Variants in NAALAD2 observed in about 807,000 individuals in gnomAD.
NAALAD2 encodes the protein N-acetylated alpha-linked acidic dipeptidase 2.
A neutral mutation model predicts 95.6 loss-of-function variants in NAALAD2; 89 were observed. The ratio of observed to expected loss-of-function variants is 0.93; its 90% CI spans 0.78 to 1.11. The LOEUF (loss-of-function observed/expected upper bound fraction) is 1.11, where lower values mean the gene tolerates loss of function less well. Ranked by LOEUF, NAALAD2 falls within the 50% of genes least tolerant of loss-of-function variation. The pLI, the probability that NAALAD2 is intolerant of heterozygous loss-of-function variation, is 0.00. For missense variants in NAALAD2, 894 were observed against 872.4 expected, an observed-to-expected ratio of 1.02 and a Z score of -0.31; for synonymous variants, 264 against 294.4, an observed-to-expected ratio of 0.90 and a Z score of 1.06.
rs1952594258 is a variant in NAALAD2 at position 90,170,199 on chromosome 11, C to G, written c.1410+63C>G. ...AATGGATAAATGAATAACGTGTGTT[C>G]CCCCCTAAATTAATGGTACTTATTT... On this transcript the variant is annotated intron_variant, in intron 13 of 18. Transcript: ENST00000534061. The G allele has an allele frequency of 6.0e-6, 6 of 995,506 alleles. No individual in the cohort carries two copies. In the South Asian group the frequency reaches 8.0e-5, roughly 13 times the overall value. 61.7% of individuals were successfully genotyped at this position (995,506 alleles called of 1,614,324 possible).
At chr11:90,133,115 C>T (rs1211338237), upstream of NAALAD2, among the ~76,000 whole-genome samples, 2 of 152,192 alleles carry the variant, frequency 1.3e-5, no homozygotes, top group East Asian at 1.9e-4. Context: ...TTTCACTCTT[C>T]CAGTCACTTG....
upstream of NAALAD2, among the ~76,000 whole-genome samples, chr11:90,133,078 A>T (rs1951377211): frequency 6.6e-6 from 1 of 152,238 alleles, no homozygotes; most frequent in Non-Finnish European, 1.5e-5. Flanking sequence ...ACAAGGACAA[A>T]AAAAAGTTAT....
intron 13 of NAALAD2, among the ~76,000 whole-genome samples, chr11:90,172,881 C>T (rs764747452): frequency 6.6e-6 from 1 of 152,166 alleles, no homozygotes; most frequent in Non-Finnish European, 1.5e-5. Flanking sequence ...CCATTATCCC[C>T]AGTTTTACAG....
chr11:90,137,027 TA>T (rs1951467869), intron 2 of NAALAD2, among the ~76,000 whole-genome samples: 1 of 151,980 alleles, frequency 6.6e-6, no homozygotes, highest in African/African-American at 2.4e-5. Context: ...TTACTCAGCA[TA>T]AAAAAGAAAG....
chr11:90,153,412 A>G (rs1951943077), intron 6 of NAALAD2, among the ~76,000 whole-genome samples: 1 of 152,170 alleles, frequency 6.6e-6, no homozygotes, highest in Non-Finnish European at 1.5e-5. Flanking sequence ...ACAGCAATGT[A>G]TGAGTGTTCT....
chr11:90,167,855 C>G (rs965811966), intron 11 of NAALAD2, among the ~76,000 whole-genome samples: 1 of 150,388 alleles, frequency 6.6e-6, no homozygotes, highest in African/African-American at 2.5e-5. Flanking sequence ...ACGGAGCAAT[C>G]GGCTCTCTGT....
rs769349722 is a variant in NAALAD2, at chr11:90,149,077, T to C, written c.453T>C (p.Tyr151=). The change falls in exon 4 of 19, where the codon TAT becomes TAC. Residue 151 remains tyrosine (Y), a synonymous_variant. Coordinates refer to ENST00000534061, the MANE Select transcript of NAALAD2 (RefSeq NM_005467.4). ...ATGTTACAAATATTGTGCCACCATA[T>C]AATGCTTTCTCAGCCCAAGGCATGC... ...YENVTNIVPP[Y]NAFSAQGMPE... is the part of the protein sequence containing the mutation. 6.2e-7 allele frequency: 1 copy of C among 1,602,894 alleles called. No homozygotes were observed.
intron 2 of NAALAD2, among the ~76,000 whole-genome samples, chr11:90,143,835 A>T (rs1322824466): frequency 6.6e-6 from 1 of 152,192 alleles, no homozygotes; most frequent in Non-Finnish European, 1.5e-5. Context: ...CAATGCGTTT[A>T]TAGGAACATA....
At chr11:90,174,033 G>C (rs1952714792) in intron 14 of NAALAD2, 118 bp downstream of exon 14, 2 of 774,850 alleles carry the variant, frequency 2.6e-6, no homozygotes, top group Non-Finnish European at 4.2e-6. Flanking sequence ...GCCAAGAAAA[G>C]ATAATGAAGA....
upstream of NAALAD2, among the ~76,000 whole-genome samples, chr11:90,133,141 C>A (rs766945412): frequency 3.9e-5 from 6 of 152,164 alleles, no homozygotes; most frequent in Non-Finnish European, 7.3e-5. Flanking sequence ...AGCAAAGGTG[C>A]ATTACCTAAA....
In NAALAD2 at chr11:90,135,627, C is replaced by T; in HGVS notation, c.151C>T (p.Leu51=). ...CTATCATCAAAGTATACGGTGGAAA[C>T]TGGTATCCGAAATGAAAGCTGAAAA... The part of the protein sequence containing the change: ...VRYHQSIRWK[L]VSEMKAENIK... Residue 51 remains leucine, a synonymous_variant, in exon 2 of 19, where the codon CTG becomes TTG. Transcript: ENST00000534061. 6.2e-7 allele frequency: 1 copy of T among 1,613,430 alleles called. No individual in the cohort carries two copies. The highest frequency in any genetic ancestry group is 1.1e-5 in the South Asian group (1 of 91,010).
rs1421086729 is a variant in NAALAD2, at chr11:90,150,529, A to G, written c.531A>G (p.Lys177=). The change falls in exon 5 of 19, where the codon AAA becomes AAG. Residue 177 remains lysine (K), a synonymous_variant. Coordinates refer to ENST00000534061, the MANE Select transcript of NAALAD2 (RefSeq NM_005467.4). ...ATGCTCGCACTGAAGACTTTTTCAA[A>G]CTAGAAAGAGAGATGGGCATCAACT... ...VNYARTEDFF[K]LEREMGINCT... 1 of 1,611,724 alleles carries G rather than the reference A, an allele frequency of 6.2e-7. No individual in the cohort carries two copies. The highest frequency in any genetic ancestry group is 8.5e-7 in the Non-Finnish European group (1 of 1,178,490).
chr11:90,158,227 A>G lies in NAALAD2; in HGVS notation c.879A>G (p.Glu293=). The change falls in exon 7 of 19, where the codon GAA becomes GAG. Residue 293 remains glutamate, a synonymous_variant. Coordinates refer to ENST00000534061, the MANE Select transcript of NAALAD2 (RefSeq NM_005467.4). ...ATCCCATTGGATATAATGATGCAGA[A>G]ATATTATTACGGTATAGTTTTCTTG... ...PVHPIGYNDA[E]ILLRYLGGIA... The G allele has an allele frequency of 6.2e-7, 1 of 1,605,546 alleles. No individual in the cohort carries two copies. The highest frequency in any genetic ancestry group is 8.5e-7 in the Non-Finnish European group (1 of 1,173,092).
At chr11:90,184,576 A>C (rs145031307) in intron 18 of NAALAD2, among the ~76,000 whole-genome samples, 1 of 151,896 alleles carries the variant, frequency 6.6e-6, no homozygotes, top group African/African-American at 2.4e-5. Flanking sequence ...TTATTAGTCT[A>C]TCTTTATATA....
intron 16 of NAALAD2, among the ~76,000 whole-genome samples, chr11:90,181,065 A>T (rs1053125796): frequency 6.6e-6 from 1 of 152,128 alleles, no homozygotes; most frequent in African/African-American, 2.4e-5. Flanking sequence ...ACTGATACTG[A>T]GGTATGACTG....
At chr11:90,183,068 G>GACATGT in intron 18 of NAALAD2, 60 bp downstream of exon 18, 1 of 1,266,472 alleles carries the variant, frequency 7.9e-7, no homozygotes. Flanking sequence ...ACCTAAAGTT[G>GACATGT]GCTTTAAACT....
intron 6 of NAALAD2, among the ~76,000 whole-genome samples, chr11:90,153,290 C>T (rs1185843279): frequency 2.6e-5 from 4 of 152,044 alleles, no homozygotes. Flanking sequence ...TCTTTTATTT[C>T]TCTTTGGGAA....
intron 2 of NAALAD2, among the ~76,000 whole-genome samples, chr11:90,136,972 C>A (rs1475048650): frequency 1.3e-5 from 2 of 152,096 alleles, no homozygotes; most frequent in Non-Finnish European, 2.9e-5. Context: ...ACCTGATGAT[C>A]AACTTCCATC....
At chr11:90,179,267 T>G (rs1310959284) in intron 16 of NAALAD2, among the ~76,000 whole-genome samples, 1 of 152,110 alleles carries the variant, frequency 6.6e-6, no homozygotes, top group Non-Finnish European at 1.5e-5. Flanking sequence ...TGCCCTGAGT[T>G]TCTACTGTGT....
Sources: allele counts gnomAD v4.1 joint callset (sites outside exome capture counted in the v4.1 genomes callset), GRCh38; gene constraint gnomAD v4.1.1; transcripts MANE v1.5; gene names NCBI Gene and HGNC (gene_info 2026-07-23, HGNC 2026-07-21).